Variants in ASCC3 observed in about 807,000 individuals in gnomAD.
ASCC3 encodes the protein ASC-1 complex subunit P200.
A neutral mutation model predicts 256.3 loss-of-function variants in ASCC3; 158 were observed. The ratio of observed to expected loss-of-function variants is 0.62; its 90% CI spans 0.54 to 0.70. The LOEUF (loss-of-function observed/expected upper bound fraction) is 0.70. Among genes scored for constraint, ASCC3 ranks in the 30% least tolerant of loss-of-function variants. The pLI is 0.00. For synonymous variants in ASCC3, 948 were observed against 883.4 expected (o/e 1.07, Z -1.30); for missense variants, 2,259 against 2,626.0 (o/e 0.86, Z 3.05).
chr6:100,753,535 T>C (rs1178754017), intron 10 of ASCC3, among the ~76,000 whole-genome samples: 2 of 150,712 alleles, frequency 1.3e-5, no homozygotes, highest in Admixed American at 6.6e-5. Context: ...TTGCTATTAA[T>C]ATGTTGCCTA....
chr6:100,721,400 A>G (rs751237927), intron 11 of ASCC3, among the ~76,000 whole-genome samples: 10 of 151,760 alleles, frequency 6.6e-5, no homozygotes, highest in Non-Finnish European at 1.5e-4. Flanking sequence ...CATAAAATCA[A>G]AACATTTCAT....
At chr6:100,871,373 T>C (rs1044179231) in intron 1 of ASCC3, among the ~76,000 whole-genome samples, 8 of 151,768 alleles carry the variant, frequency 5.3e-5, no homozygotes, top group Non-Finnish European at 1.0e-4. Context: ...GGATTACAGG[T>C]GTGAGCCACC....
intron 1 of ASCC3, among the ~76,000 whole-genome samples, chr6:100,880,020 C>T (rs1214870292): frequency 2.0e-5 from 3 of 152,080 alleles, no homozygotes; most frequent in African/African-American, 7.2e-5. Context: ...CTCTCCTAGG[C>T]CTAGCCCAGC....
At chr6:100,817,391 C>T (rs1297749821) in intron 4 of ASCC3, among the ~76,000 whole-genome samples, 1 of 150,826 alleles carries the variant, frequency 6.6e-6, no homozygotes, top group African/African-American at 2.4e-5. Context: ...CAAAATAAAC[C>T]TAAAGCAAGC....
intron 36 of ASCC3, among the ~76,000 whole-genome samples, chr6:100,585,063 G>C (rs890419868): frequency 3.3e-5 from 5 of 152,182 alleles, no homozygotes; most frequent in Admixed American, 6.5e-5. Context: ...GTGTCTTGGA[G>C]TTGCTCTTCT....
rs1230898350 is a variant in ASCC3 at position 100,661,723 on chromosome 6, C to T, written c.2703+83G>A. On this transcript the variant is annotated intron_variant, in intron 16 of 41. Coordinates refer to ENST00000369162, the MANE Select transcript of ASCC3 (RefSeq NM_006828.4). ...GGCTGTAATCCTAAACACTACAAAA[C>T]AGCAACCAACTCAATCTTCATCTTT... 1.4e-5 allele frequency: 20 copies of T among 1,424,672 alleles called. No individual in the cohort carries two copies. The Admixed American group carries it at 3.4e-4, about 24-fold the overall frequency. 88.3% of individuals were successfully genotyped at this position (1,424,672 alleles called of 1,614,324 possible).
intron 37 of ASCC3, among the ~76,000 whole-genome samples, chr6:100,524,587 G>A (rs1774470517): frequency 6.6e-6 from 1 of 151,990 alleles, no homozygotes; most frequent in Admixed American, 6.6e-5. Context: ...AGGTTGAAGG[G>A]TGGATAATAA....
intron 16 of ASCC3, among the ~76,000 whole-genome samples, chr6:100,658,081 A>G (rs1292627235): frequency 2.0e-5 from 3 of 151,508 alleles, no homozygotes; most frequent in Non-Finnish European, 4.4e-5. Context: ...CCTGGCCTCA[A>G]GAAGTTCCAG....
At chr6:100,592,349 A>T (rs1772046382) in intron 34 of ASCC3, among the ~76,000 whole-genome samples, 1 of 151,992 alleles carries the variant, frequency 6.6e-6, no homozygotes, top group South Asian at 2.1e-4. Context: ...GCATAACAGA[A>T]GAAATACAAA....
intron 37 of ASCC3, among the ~76,000 whole-genome samples, chr6:100,529,634 G>A (rs2114639378): frequency 6.6e-6 from 1 of 152,230 alleles, no homozygotes; most frequent in Non-Finnish European, 1.5e-5. Flanking sequence ...AAAAAATGTA[G>A]AAATTTCTAT....
At chr6:100,880,624 C>G (rs1343625971) in intron 1 of ASCC3, among the ~76,000 whole-genome samples, 2 of 151,776 alleles carry the variant, frequency 1.3e-5, no homozygotes, top group African/African-American at 2.4e-5. Flanking sequence ...CACCCACAAT[C>G]CATCACGGTC....
intron 36 of ASCC3, among the ~76,000 whole-genome samples, chr6:100,561,254 G>A (rs761291621): frequency 1.3e-5 from 2 of 151,970 alleles, no homozygotes; most frequent in Non-Finnish European, 2.9e-5. Flanking sequence ...TGTTTATAAT[G>A]ATAGCCTCAG....
chr6:100,807,676 A>G (rs1770258084), intron 4 of ASCC3, among the ~76,000 whole-genome samples: 1 of 151,768 alleles, frequency 6.6e-6, no homozygotes, highest in Non-Finnish European at 1.5e-5. Flanking sequence ...ACAAATACAA[A>G]CAACAACAAC....
intron 10 of ASCC3, among the ~76,000 whole-genome samples, chr6:100,746,250 G>A (rs919183766): frequency 3.3e-5 from 5 of 151,046 alleles, no homozygotes; most frequent in African/African-American, 7.3e-5. Flanking sequence ...CTACTCCATA[G>A]ACTATTTTAC....
chr6:100,813,632 T>A (rs547670134), intron 4 of ASCC3, among the ~76,000 whole-genome samples: 142 of 152,130 alleles, frequency 9.3e-4, no homozygotes, highest in Non-Finnish European at 1.7e-3. Flanking sequence ...TGTGTTTGTG[T>A]GTGCGTGTAT....
Position 100,652,865 on chromosome 6 carries a change from G to T in ASCC3, c.2848C>A (p.Arg950=). 2 of 1,613,786 alleles carry T rather than the reference G, an allele frequency of 1.2e-6. No individual in the cohort carries two copies. The highest frequency in any genetic ancestry group is 2.2e-5 in the South Asian group (2 of 91,080). The change falls in exon 18 of 42, where the codon CGA becomes AGA. Residue 950 remains arginine, a synonymous_variant. Coordinates refer to ENST00000369162, the MANE Select transcript of ASCC3 (RefSeq NM_006828.4). ...YQIDPTLRKH[R]EQLVIEVGRK... is the part of the protein sequence containing the mutation. ...CCAACTTCAATGACCAACTGTTCTC[G>T]ATGCTTTCTTAATGTTGGGTCAATC...
rs1328851371 is a variant in ASCC3, at chr6:100,518,055, A to T, written c.5863T>A (p.Trp1955Arg). Residue 1955 changes from tryptophan to arginine, a missense_variant, in exon 38 of 42, where the codon TGG (tryptophan) becomes AGG (arginine). This residue lies in a region of ASCC3 where 1,839 missense variants were observed against 2,206.7 expected (regional missense o/e 0.83). Transcript: ENST00000369162. ...NLIQMVIQGRWLKDSSLLTLP... is the reference protein window; with the variant it reads ...NLIQMVIQGRRLKDSSLLTLP... ...GTAAGAAGAGAAGAGTCCTTTAACC[A>T]CCGACCCTGGATCACCATCTGAATC... The T allele has an allele frequency of 1.9e-6, 3 of 1,613,576 alleles. No homozygotes were observed. Among genetic ancestry groups the T allele is most frequent in the Non-Finnish European group, 2.5e-6 (3 of 1,179,746 alleles).
chr6:100,531,640 GA>G (rs1419339429), intron 37 of ASCC3, among the ~76,000 whole-genome samples: 1 of 151,826 alleles, frequency 6.6e-6, no homozygotes, highest in African/African-American at 2.4e-5. Context: ...AACAATGTCA[GA>G]ATAACCAACG....
intron 8 of ASCC3, among the ~76,000 whole-genome samples, chr6:100,771,949 G>A (rs982290414): frequency 6.7e-5 from 9 of 134,834 alleles, no homozygotes; most frequent in South Asian, 4.9e-4. Flanking sequence ...GCATGATCTC[G>A]GCTCATTGCA....
Sources: allele counts gnomAD v4.1 joint callset (sites outside exome capture counted in the v4.1 genomes callset), GRCh38; gene constraint gnomAD v4.1.1; regional missense constraint gnomAD v4.1.1; transcripts MANE v1.5; gene names NCBI Gene and HGNC (gene_info 2026-07-23, HGNC 2026-07-21).